The following IL5RA variants were observed in gnomAD, a reference collection of about 807,000 sequenced individuals.
IL5RA encodes interleukin 5 receptor subunit alpha.
In IL5RA, 49 loss-of-function variants were observed where a neutral mutation model predicts 50.0. The observed-to-expected ratio is 0.98, with a 90% CI of 0.78 to 1.24. The LOEUF (loss-of-function observed/expected upper bound fraction) is 1.24. Among genes scored for constraint, IL5RA ranks in the 50% most tolerant of loss-of-function variants. The probability of loss-of-function intolerance (pLI) is 0.00; values close to 1 mark genes in which losing one functional copy is unlikely to be tolerated. For synonymous variants in IL5RA, 202 were observed against 174.0 expected (o/e 1.16, Z -1.26); for missense variants, 600 against 500.4 (o/e 1.20, Z -1.90).
chr3:3,104,118 G>T lies in IL5RA; in HGVS notation c.82+785C>A, dbSNP rs534601092. Among the ~76,000 whole-genome samples the T allele has an allele frequency of 2.6e-5, 4 of 152,290 alleles. No homozygotes were observed. In the East Asian group the frequency reaches 7.7e-4, roughly 29 times the overall value. ...CAGTGTTGTGCGATCTCAGCTTATT[G>T]CAACCTCTGCCTCTCAGCTCAAGCT... On this transcript the variant is annotated intron_variant, in intron 3 of 11. Transcript: ENST00000446632.
At position 3,092,164 on chromosome 3, in the gene IL5RA, G is replaced by C. The variant is rs567213569; in HGVS notation, c.994+60C>G. ...CCACGAGTGAACGGGTACGTTTCTG[G>C]GATTACCTTTTTTGATCACAAGGAA... On this transcript the variant is annotated intron_variant, in intron 9 of 11. Coordinates refer to ENST00000446632, the MANE Select transcript of IL5RA (RefSeq NM_175726.4). This position sits in a 1 kb window ranked among gnomAD's most constrained non-coding sequence, Gnocchi z 4.2. 2 of 1,589,686 alleles carry C rather than the reference G, an allele frequency of 1.3e-6. No homozygotes were observed. The highest frequency in any genetic ancestry group is 4.5e-5 in the East Asian group (2 of 44,612).
At chr3:3,081,812 T>C (rs1366798178) in intron 9 of IL5RA, among the ~76,000 whole-genome samples, 2 of 152,200 alleles carry the variant, frequency 1.3e-5, no homozygotes, top group African/African-American at 4.8e-5. Flanking sequence ...AGAAGCAAAG[T>C]CACGGTCACT....
chr3:3,075,313 C>G (rs1035039563), intron 10 of IL5RA, among the ~76,000 whole-genome samples: 4 of 149,298 alleles, frequency 2.7e-5, no homozygotes, highest in African/African-American at 1.0e-4. Flanking sequence ...AGCAATTCTC[C>G]TGCCTCAGCC....
At chr3:3,085,597 G>C (rs957435847) in intron 9 of IL5RA, among the ~76,000 whole-genome samples, 20 of 152,168 alleles carry the variant, frequency 1.3e-4, no homozygotes, top group African/African-American at 4.8e-4. Flanking sequence ...TCCCAAAGGT[G>C]ACTTCAGTTT....
At position 3,096,232 on chromosome 3, in the gene IL5RA, C is replaced by T. The variant is rs1092216; in HGVS notation, c.710-788G>A. 4.6e-5 allele frequency among the ~76,000 whole-genome samples: 7 copies of T among 151,120 alleles called. No individual in the cohort carries two copies. In the South Asian group the frequency reaches 6.3e-4, roughly 14 times the overall value. On this transcript the variant is annotated intron_variant, in intron 7 of 11. Transcript: ENST00000446632. ...GGCGGAGCTTGCAGTGAGCCGAGAT[C>T]GCGCCACTGCACTCCAACCTGGGTG...
At chr3:3,099,588 C>T (rs1703540914) in intron 5 of IL5RA, among the ~76,000 whole-genome samples, 1 of 151,876 alleles carries the variant, frequency 6.6e-6, no homozygotes, top group African/African-American at 2.4e-5. Flanking sequence ...AAGATCATAC[C>T]ACTACACTCC....
intron 5 of IL5RA, 73 bp from the exon 6 acceptor site, chr3:3,098,363 A>G (rs1703463688): frequency 1.5e-6 from 2 of 1,355,646 alleles, no homozygotes; most frequent in Non-Finnish European, 2.1e-6. Flanking sequence ...TTTTGGAACT[A>G]TAGTGATGTG....
rs1488424217 is a variant in IL5RA at position 3,074,678 on chromosome 3, TA to T, written c.1176+103del. 19 of 644,060 alleles carry T rather than the reference TA, an allele frequency of 3.0e-5. No homozygotes were observed. In the East Asian group the frequency reaches 5.1e-4, roughly 17 times the overall value. The allele number at this position is 644,060 out of a possible 1,614,324, so 39.9% of individuals were successfully genotyped here. ...ACAGAAATGCTCCTGGCCTTCTGAG[TA>T]AAAACCCTGCCTTATAATATAGAAA... On this transcript the variant is annotated intron_variant, in intron 11 of 11. Coordinates refer to ENST00000446632, the MANE Select transcript of IL5RA (RefSeq NM_175726.4).
intron 10 of IL5RA, among the ~76,000 whole-genome samples, chr3:3,075,227 T>TTTC (rs1702436498): frequency 6.9e-6 from 1 of 145,514 alleles, no homozygotes; most frequent in Admixed American, 6.9e-5. Context: ...TTTTTTTTTT[T>TTTC]GGTCTTGCTC....
rs778302332 is a variant in IL5RA at position 3,070,227 on chromosome 3, A to T, written c.1261T>A (p.Ter421ArgextTer133). The change falls in exon 12 of 12, where the codon TGA (stop) becomes AGA (arginine). Residue 421 changes from the stop codon to arginine, a stop_lost. Transcript: ENST00000446632. The part of the protein sequence containing the change: ...GVETLEDSVF[*>R] The stretch of plus-strand genomic sequence containing the variant: ...ATCAGAGGATGCCAAAGTGACAGTC[A>T]AAACACAGAATCCTCCAGGGTCTCA... 1.2e-6 allele frequency: 2 copies of T among 1,607,456 alleles called. No homozygotes were observed. The highest frequency in any genetic ancestry group is 2.7e-5 in the African/African-American group (2 of 74,642).
At chr3:3,107,248 CAT>C (rs967105517) in intron 2 of IL5RA, among the ~76,000 whole-genome samples, 4 of 73,540 alleles carry the variant, frequency 5.4e-5, no homozygotes, top group Non-Finnish European at 9.5e-5. Context: ...AAAAGAATGA[CAT>C]TTTTTTTTTT....
intron 7 of IL5RA, among the ~76,000 whole-genome samples, chr3:3,097,068 C>T (rs974979466): frequency 1.4e-4 from 21 of 152,326 alleles, no homozygotes; most frequent in African/African-American, 4.3e-4. Flanking sequence ...ATAATAACCA[C>T]CCACCATTGA....
intron 5 of IL5RA, among the ~76,000 whole-genome samples, chr3:3,101,233 C>G (rs530101150): frequency 1.3e-5 from 2 of 151,536 alleles, no homozygotes; most frequent in African/African-American, 4.9e-5. Context: ...TTTTAAGTCA[C>G]TGACACAATT....
chr3:3,095,170 G>C (rs1703300141), intron 8 of IL5RA, 129 bp downstream of exon 8: 1 of 654,450 alleles, frequency 1.5e-6, no homozygotes, highest in South Asian at 1.9e-5. Flanking sequence ...ATAATACCTG[G>C]GTAGATTAAG....
In IL5RA at chr3:3,102,584, T is replaced by A. The variant is rs17884989; in HGVS notation, c.228+91A>T. The A allele has an allele frequency of 4.3e-3, 3,901 of 914,090 alleles. 111 individuals are homozygous for A. In the African/African-American group the frequency reaches 0.059, roughly 14 times the overall value. The allele number at this position is 914,090 out of a possible 1,614,324, so 56.6% of individuals were successfully genotyped here. A position where few individuals can be genotyped will look rare whatever the true frequency, so the allele number is the denominator to read the frequency against. On this transcript the variant is annotated intron_variant, in intron 4 of 11. Coordinates refer to ENST00000446632, the MANE Select transcript of IL5RA (RefSeq NM_175726.4). ...ACATAGAGCCTGTCAGTAATTTTAT[T>A]TTTTTAATCCAAAATTTTATTTGAT...
intron 5 of IL5RA, among the ~76,000 whole-genome samples, chr3:3,098,678 TA>T (rs1456859224): frequency 6.6e-6 from 1 of 152,176 alleles, no homozygotes; most frequent in Non-Finnish European, 1.5e-5. Context: ...GTGCTGGAAT[TA>T]CAGGCATGAG....
intron 9 of IL5RA, chr3:3,090,382 C>G (rs1292254240): frequency 1.4e-6 from 1 of 695,620 alleles, no homozygotes; most frequent in Non-Finnish European, 2.5e-6. Flanking sequence ...CTCTTATAGA[C>G]CTAGTGCAAC....
rs191247141 is a variant in IL5RA, at chr3:3,096,243, A to C, written c.710-799T>G. On this transcript the variant is annotated intron_variant, in intron 7 of 11. Transcript: ENST00000446632. Reference sequence around the variant, plus strand: ...CAGTGAGCCGAGATCGCGCCACTGCACTCCAACCTGGGTGACAGAGCAAGA... The same window carrying C: ...CAGTGAGCCGAGATCGCGCCACTGCCCTCCAACCTGGGTGACAGAGCAAGA... Among the ~76,000 whole-genome samples, 8 of 151,092 alleles carry C rather than the reference A, an allele frequency of 5.3e-5. No homozygotes were observed. In the East Asian group the frequency reaches 1.4e-3, roughly 26 times the overall value.
At chr3:3,090,563 T>C (rs1703045902) in intron 9 of IL5RA, among the ~76,000 whole-genome samples, 1 of 141,846 alleles carries the variant, frequency 7.0e-6, no homozygotes, top group East Asian at 1.9e-4. Flanking sequence ...TTTTTTTTCT[T>C]TTCTTTCTTT....
Sources: allele counts gnomAD v4.1 joint callset (sites outside exome capture counted in the v4.1 genomes callset), GRCh38; gene constraint gnomAD v4.1.1; non-coding constraint Gnocchi (gnomAD v3.1); transcripts MANE v1.5; gene names NCBI Gene and HGNC (gene_info 2026-07-23, HGNC 2026-07-21).